The following EFNA5 variants were observed in gnomAD, a reference collection of about 807,000 sequenced individuals.
The protein encoded by EFNA5 is ephrin A5.
A neutral mutation model predicts 22.9 loss-of-function variants in EFNA5; 5 were observed. That is an observed-to-expected ratio of 0.22 (90% CI 0.11 to 0.46). The LOEUF (loss-of-function observed/expected upper bound fraction) is 0.46, where lower values mean the gene tolerates loss of function less well. EFNA5 is among the 20% of genes least tolerant of loss of function. The pLI is 0.99. For synonymous variants in EFNA5, 113 were observed against 112.2 expected, an observed-to-expected ratio of 1.01 and a Z score of -0.04; for missense variants, 237 against 293.3, an observed-to-expected ratio of 0.81 and a Z score of 1.40.
intron 1 of EFNA5, among the ~76,000 whole-genome samples, chr5:107,482,870 CTATA>C (rs72399506): frequency 0.019 from 1,143 of 58,972 alleles, 13 homozygotes; most frequent in South Asian, 0.028. Flanking sequence ...CTCTCTCTCT[CTATA>C]TATATATATA....
At chr5:107,519,654 G>A (rs113796148) in intron 1 of EFNA5, among the ~76,000 whole-genome samples, 2 of 152,282 alleles carry the variant, frequency 1.3e-5, no homozygotes, top group African/African-American at 4.8e-5. Context: ...GGAGCGAAGC[G>A]ATCCCCTTGG....
intron 1 of EFNA5, among the ~76,000 whole-genome samples, chr5:107,586,456 A>G (rs1250259743): frequency 6.6e-6 from 1 of 152,218 alleles, no homozygotes. Context: ...AGGACGTAGA[A>G]CTATGAACAG....
chr5:107,562,443 G>A (rs1032778781), intron 1 of EFNA5, among the ~76,000 whole-genome samples: 3 of 151,890 alleles, frequency 2.0e-5, no homozygotes, highest in African/African-American at 7.3e-5. Flanking sequence ...CACTTTTTGT[G>A]AAATGAAGTT....
At chr5:107,454,360 C>T (rs1045869295) in intron 1 of EFNA5, among the ~76,000 whole-genome samples, 1 of 151,894 alleles carries the variant, frequency 6.6e-6, no homozygotes, top group Admixed American at 6.6e-5. Flanking sequence ...AAAAATTATA[C>T]CTTTGTTTTT....
At chr5:107,557,434 T>A (rs1748446308) in intron 1 of EFNA5, among the ~76,000 whole-genome samples, 1 of 152,120 alleles carries the variant, frequency 6.6e-6, no homozygotes, top group Non-Finnish European at 1.5e-5. Flanking sequence ...ACACGCTGCC[T>A]CAGGAACCAC....
At chr5:107,555,647 G>A (rs1178580527) in intron 1 of EFNA5, among the ~76,000 whole-genome samples, 1 of 152,186 alleles carries the variant, frequency 6.6e-6, no homozygotes, top group East Asian at 1.9e-4. Context: ...ATAGCTTAAA[G>A]TTAGATGTAA....
At chr5:107,465,358 T>G (rs1339791012) in intron 1 of EFNA5, among the ~76,000 whole-genome samples, 1 of 152,190 alleles carries the variant, frequency 6.6e-6, no homozygotes, top group Admixed American at 6.6e-5. Context: ...TAGATCTTGT[T>G]CTGTCACAAC....
At chr5:107,383,239 G>T (rs998899239) in intron 4 of EFNA5, among the ~76,000 whole-genome samples, 3 of 152,182 alleles carry the variant, frequency 2.0e-5, no homozygotes, top group African/African-American at 7.2e-5. Context: ...AATCTGCATG[G>T]AGTGATTTTA....
At chr5:107,508,285 T>C (rs537040545) in intron 1 of EFNA5, among the ~76,000 whole-genome samples, 1 of 152,308 alleles carries the variant, frequency 6.6e-6, no homozygotes, top group South Asian at 2.1e-4. Flanking sequence ...TAGAATAGCA[T>C]CCACCTTCAG....
intron 1 of EFNA5, among the ~76,000 whole-genome samples, chr5:107,497,103 T>C (rs1249610175): frequency 1.3e-5 from 2 of 152,250 alleles, no homozygotes; most frequent in African/African-American, 4.8e-5. Context: ...GCCTAGAAGC[T>C]GGTTAGTAAG....
At chr5:107,556,835 AGGAAG>A (rs1748432098) in intron 1 of EFNA5, among the ~76,000 whole-genome samples, 1 of 151,974 alleles carries the variant, frequency 6.6e-6, no homozygotes, top group African/African-American at 2.4e-5. Flanking sequence ...CTGCAGCAAG[AGGAAG>A]TCACCTGAAC....
intron 1 of EFNA5, among the ~76,000 whole-genome samples, chr5:107,656,864 A>G (rs1750836568): frequency 6.6e-6 from 1 of 152,134 alleles, no homozygotes; most frequent in Non-Finnish European, 1.5e-5. Flanking sequence ...AAATAAAACC[A>G]AAAAATTTTA....
intron 1 of EFNA5, among the ~76,000 whole-genome samples, chr5:107,563,165 A>T (rs1748586152): frequency 6.6e-6 from 1 of 152,204 alleles, no homozygotes; most frequent in Non-Finnish European, 1.5e-5. Flanking sequence ...TTAATAGTCC[A>T]TGCTCTTTAA....
At chr5:107,596,105 C>G (rs975690) in intron 1 of EFNA5, among the ~76,000 whole-genome samples, 77,465 of 151,954 alleles carry the variant, frequency 0.51, 21,501 homozygotes, top group African/African-American at 0.71. Context: ...TACTTTGTTA[C>G]AGGAAAATTC....
At chr5:107,525,005 A>T (rs1747666619) in intron 1 of EFNA5, among the ~76,000 whole-genome samples, 1 of 152,246 alleles carries the variant, frequency 6.6e-6, no homozygotes, top group Non-Finnish European at 1.5e-5. Context: ...CTTCTGATTT[A>T]CATGTATTAA....
intron 1 of EFNA5, among the ~76,000 whole-genome samples, chr5:107,602,085 A>G (rs970002925): frequency 9.9e-5 from 15 of 152,210 alleles, no homozygotes; most frequent in Non-Finnish European, 1.6e-4. Flanking sequence ...GAGCTCACAG[A>G]GGAGGCAAAG....
chr5:107,448,360 G>T (rs187497187), intron 1 of EFNA5, among the ~76,000 whole-genome samples: 1 of 152,224 alleles, frequency 6.6e-6, no homozygotes, highest in Admixed American at 6.5e-5. Context: ...AGGCCCTATT[G>T]AATGCTAGAT....
chr5:107,591,179 C>A (rs1348973044), intron 1 of EFNA5, among the ~76,000 whole-genome samples: 1 of 152,040 alleles, frequency 6.6e-6, no homozygotes, highest in Admixed American at 6.5e-5. Flanking sequence ...AGCCCTCAGC[C>A]AACATAGGTA....
At chr5:107,482,706 C>A (rs1750502667) in intron 1 of EFNA5, among the ~76,000 whole-genome samples, 1 of 152,022 alleles carries the variant, frequency 6.6e-6, no homozygotes, top group Admixed American at 6.6e-5. Flanking sequence ...GAGAAGGACC[C>A]TCCCTGCACC....
Sources: gnomAD v4.1 joint callset for allele counts (sites outside exome capture counted in the v4.1 genomes callset) on GRCh38, gnomAD v4.1.1 for gene constraint, MANE v1.5 for transcripts, NCBI Gene and HGNC (gene_info 2026-07-23, HGNC 2026-07-21) for gene names.